The following PROM1 variants were observed in gnomAD, a reference collection of about 807,000 sequenced individuals.
The protein encoded by PROM1 is prominin-1.
PROM1 carries 105 observed loss-of-function variants against 116.9 expected under a neutral mutation model. The observed-to-expected ratio is 0.90, with a 90% confidence interval of 0.77 to 1.06. The LOEUF (loss-of-function observed/expected upper bound fraction) is 1.06. Among genes scored for constraint, PROM1 ranks in the 50% least tolerant of loss-of-function variants. The probability of loss-of-function intolerance (pLI) is 0.00; values close to 1 mark genes in which losing one functional copy is unlikely to be tolerated. For synonymous variants in PROM1, 393 were observed against 387.0 expected (o/e 1.02, Z -0.18); for missense variants, 1,122 against 1,045.2 (o/e 1.07, Z -1.01).
At chr4:16,021,463 G>A (rs989952828) in intron 8 of PROM1, among the ~76,000 whole-genome samples, 1 of 152,126 alleles carries the variant, frequency 6.6e-6, no homozygotes, top group Non-Finnish European at 1.5e-5. Flanking sequence ...CTTCAACATT[G>A]CAGTCACATA....
At chr4:16,041,406 C>T (rs1331081826) in intron 2 of PROM1, among the ~76,000 whole-genome samples, 1 of 152,102 alleles carries the variant, frequency 6.6e-6, no homozygotes, top group Admixed American at 6.5e-5. Context: ...GTATAATGTG[C>T]AAAAAGCATT....
At chr4:15,977,283 C>T (rs945898426) in intron 26 of PROM1, among the ~76,000 whole-genome samples, 1 of 152,192 alleles carries the variant, frequency 6.6e-6, no homozygotes, top group Non-Finnish European at 1.5e-5. Flanking sequence ...AACAGGCAAA[C>T]ACCAGGAAGC....
At chr4:16,020,747 C>T (rs985879323) in intron 8 of PROM1, among the ~76,000 whole-genome samples, 6 of 152,112 alleles carry the variant, frequency 3.9e-5, no homozygotes, top group African/African-American at 1.4e-4. Flanking sequence ...CTGTTCATAG[C>T]CATTCTAGCC....
chr4:15,976,158 A>G (rs569107838), intron 26 of PROM1: 19 of 455,346 alleles, frequency 4.2e-5, no homozygotes, highest in South Asian at 2.9e-4. Context: ...TATGTATTTA[A>G]TAGAACAATG....
intron 22 of PROM1, 135 bp downstream of exon 22, chr4:15,985,625 G>A: frequency 1.4e-6 from 1 of 728,296 alleles, no homozygotes; most frequent in East Asian, 2.7e-5. Flanking sequence ...TCTTGGTCCT[G>A]CACATCAATG....
At chr4:16,050,644 C>T (rs1032464897) in intron 2 of PROM1, among the ~76,000 whole-genome samples, 2 of 152,220 alleles carry the variant, frequency 1.3e-5, no homozygotes, top group East Asian at 3.9e-4. Context: ...GTGTGAGCCA[C>T]CATGCCCAGC....
At chr4:16,030,090 G>A (rs1484824927) in intron 5 of PROM1, among the ~76,000 whole-genome samples, 3 of 152,078 alleles carry the variant, frequency 2.0e-5, no homozygotes, top group Admixed American at 6.6e-5. Flanking sequence ...CTCCTGCCTA[G>A]CTTGGATTAC....
At chr4:16,080,373 T>A (rs1744820367) in intron 1 of PROM1, among the ~76,000 whole-genome samples, 1 of 145,962 alleles carries the variant, frequency 6.9e-6, no homozygotes, top group Non-Finnish European at 1.5e-5. Flanking sequence ...ACAAAAAAAA[T>A]TAGCCAGGTG....
chr4:16,054,157 CAGA>C (rs1298202995), intron 2 of PROM1, among the ~76,000 whole-genome samples: 1 of 152,200 alleles, frequency 6.6e-6, no homozygotes, highest in Non-Finnish European at 1.5e-5. Flanking sequence ...TCATCCAGTT[CAGA>C]TCTCCATCAC....
At chr4:16,012,035 C>T (rs183870569) in intron 11 of PROM1, among the ~76,000 whole-genome samples, 13 of 151,938 alleles carry the variant, frequency 8.6e-5, no homozygotes, top group Admixed American at 6.6e-4. Flanking sequence ...GAGAGAGAGT[C>T]GCCCAGGCTG....
intron 11 of PROM1, among the ~76,000 whole-genome samples, chr4:16,010,336 A>G (rs1726598740): frequency 6.6e-6 from 1 of 152,096 alleles, no homozygotes; most frequent in East Asian, 2.0e-4. Context: ...AGAACACACT[A>G]ATCAGTTAAA....
Position 15,989,738 on chromosome 4 carries a change from T to C in PROM1, c.2070A>G (p.Gln690=). ...IHQQRVLPIE[Q]SLSTLYQSVK... The stretch of plus-strand genomic sequence containing the variant: ...ATACGTCGTTGACTGTTACCAGTGA[T>C]TGTTCTATAGGAAGGACTCGTTGCT... Residue 690 remains glutamine (Q), a synonymous_variant, in exon 19 of 28, where the codon CAA becomes CAG. Transcript: ENST00000447510. 1 of 1,599,430 alleles carries C rather than the reference T, an allele frequency of 6.3e-7. No individual in the cohort carries two copies. Among genetic ancestry groups the C allele is most frequent in the South Asian group, 1.1e-5 (1 of 89,038 alleles).
At chr4:16,005,516 G>A (rs1725242097) in intron 13 of PROM1, among the ~76,000 whole-genome samples, 1 of 151,062 alleles carries the variant, frequency 6.6e-6, no homozygotes, top group African/African-American at 2.4e-5. Flanking sequence ...GTGTGTGTGT[G>A]TGTGTGTGTG....
intron 2 of PROM1, among the ~76,000 whole-genome samples, chr4:16,074,530 AT>A (rs5856334): frequency 0.79 from 120,846 of 152,012 alleles, 48,262 homozygotes; most frequent in Non-Finnish European, 0.84. Flanking sequence ...CAAAGTTAGT[AT>A]TTTTAACAGC....
chr4:16,011,322 CAG>C (rs1353440410), intron 11 of PROM1, among the ~76,000 whole-genome samples: 1 of 152,118 alleles, frequency 6.6e-6, no homozygotes, highest in African/African-American at 2.4e-5. Flanking sequence ...AAAGGACAAG[CAG>C]AACTCATGGC....
chr4:16,012,015 G>GT (rs202151330), intron 11 of PROM1, among the ~76,000 whole-genome samples: 2,486 of 150,758 alleles, frequency 0.016, 26 homozygotes, highest in Non-Finnish European at 0.024. Flanking sequence ...GTTTGTTTTT[G>GT]TTTTTTTTTG....
chr4:15,979,881 T>G lies in PROM1; in HGVS notation c.2513A>C (p.Asn838Thr). The G allele has an allele frequency of 6.9e-7, 1 of 1,453,360 alleles. No homozygotes were observed. The highest frequency in any genetic ancestry group is 9.4e-7 in the Non-Finnish European group (1 of 1,063,840). The allele number at this position is 1,453,360 out of a possible 1,614,324, so 90.0% of individuals were successfully genotyped here. A position where few individuals can be genotyped will look rare whatever the true frequency, so the allele number is the denominator to read the frequency against. Reference protein sequence around the residue: ...YDDVETIPMKNMENGNNGYHK... With the variant: ...YDDVETIPMKTMENGNNGYHK... ...ATATAGTTTTTTTAAAAAGGCTTAC[T>G]TTTTCATGGGTATAGTTTCAACACT... The change falls in exon 25 of 28, where the codon AAT becomes ACT. Residue 838 changes from asparagine to threonine, a missense_variant and splice_region_variant. By Grantham distance (65) the Asn-to-Thr change is moderately conservative. Transcript: ENST00000447510.
chr4:16,004,859 T>TCCTTCCTTCCTC (rs1724875977), intron 13 of PROM1, among the ~76,000 whole-genome samples: 2 of 112,212 alleles, frequency 1.8e-5, no homozygotes, highest in Non-Finnish European at 3.9e-5. Context: ...CTTCCTTCCT[T>TCCTTCCTTCCTC]CCTCTCTCTC....
At chr4:15,983,236 G>C (rs1272524891) in intron 23 of PROM1, among the ~76,000 whole-genome samples, 1 of 152,220 alleles carries the variant, frequency 6.6e-6, no homozygotes, top group Non-Finnish European at 1.5e-5. Flanking sequence ...AGACATGTTT[G>C]AGCTAAGACC....
Sources: allele counts gnomAD v4.1 joint callset (sites outside exome capture counted in the v4.1 genomes callset), GRCh38; gene constraint gnomAD v4.1.1; transcripts MANE v1.5; gene names NCBI Gene and HGNC (gene_info 2026-07-23, HGNC 2026-07-21).